PSD3: variants seen among roughly 807,000 people sequenced by gnomAD.
PSD3 encodes the protein PH and SEC7 domain-containing protein 3.
A neutral mutation model predicts 105.5 loss-of-function variants in PSD3; 49 were observed. The observed-to-expected ratio is 0.46, with a 90% CI of 0.37 to 0.59. PSD3 has a LOEUF of 0.59. Ranked by LOEUF, PSD3 falls within the 20% of genes least tolerant of loss-of-function variation. The pLI is 0.00. For synonymous variants in PSD3, 557 were observed against 457.8 expected (o/e 1.22, Z -2.77); for missense variants, 1,561 against 1,263.8 (o/e 1.24, Z -3.57).
At chr8:18,579,511 T>C (rs984004923) in intron 12 of PSD3, among the ~76,000 whole-genome samples, 1 of 152,210 alleles carries the variant, frequency 6.6e-6, no homozygotes, top group African/African-American at 2.4e-5. Flanking sequence ...TCGTTTTATG[T>C]AACAGGATTC....
chr8:18,563,784 G>GA lies in PSD3; in HGVS notation c.2785-7433dup, dbSNP rs537787243. ...AGGCCACATCAAAGAGTTTGAATGT[G>GA]AAAAAATGAATCAGTTAAGGGTAAG... is the stretch of plus-strand genomic sequence containing the variant. On this transcript the variant is annotated intron_variant, in intron 14 of 15. Coordinates refer to ENST00000327040, the MANE Select transcript of PSD3 (RefSeq NM_015310.4). 3.1e-3 allele frequency among the ~76,000 whole-genome samples: 476 copies of GA among 152,230 alleles called. 2 individuals are homozygous for GA. The highest frequency in any genetic ancestry group is 4.7e-3 in the Non-Finnish European group (323 of 68,010).
chr8:18,623,390 CT>C (rs1382076162), intron 11 of PSD3, among the ~76,000 whole-genome samples: 7 of 137,276 alleles, frequency 5.1e-5, no homozygotes, highest in African/African-American at 1.9e-4. Context: ...GGCAGGAGGA[CT>C]GCTTGAGGCC....
At chr8:18,579,510 G>A (rs1175652637) in intron 12 of PSD3, among the ~76,000 whole-genome samples, 4 of 152,124 alleles carry the variant, frequency 2.6e-5, no homozygotes, top group African/African-American at 9.7e-5. Flanking sequence ...ATCGTTTTAT[G>A]TAACAGGATT....
At chr8:18,783,070 T>C (rs1808792712) in intron 8 of PSD3, among the ~76,000 whole-genome samples, 1 of 152,230 alleles carries the variant, frequency 6.6e-6, no homozygotes, top group African/African-American at 2.4e-5. Flanking sequence ...AAAAAACTGA[T>C]GTTAAAACTT....
chr8:18,956,335 C>G (rs538274348), intron 1 of PSD3, among the ~76,000 whole-genome samples: 1 of 152,248 alleles, frequency 6.6e-6, no homozygotes, highest in East Asian at 1.9e-4. Context: ...GGTTCTGATC[C>G]AGCAGGTCTG....
intron 2 of PSD3, among the ~76,000 whole-genome samples, chr8:18,888,063 C>A (rs1818551247): frequency 1.3e-5 from 2 of 152,184 alleles, no homozygotes; most frequent in African/African-American, 2.4e-5. Context: ...AGTCCACCCT[C>A]CCTACCCCTA....
intron 1 of PSD3, among the ~76,000 whole-genome samples, chr8:18,958,074 T>C (rs1823689707): frequency 6.6e-6 from 1 of 152,216 alleles, no homozygotes; most frequent in African/African-American, 2.4e-5. Context: ...TACAATGATG[T>C]TCATTTCAGC....
At chr8:18,615,394 G>A (rs112069328) in intron 11 of PSD3, among the ~76,000 whole-genome samples, 5 of 152,138 alleles carry the variant, frequency 3.3e-5, no homozygotes, top group South Asian at 2.1e-4. Flanking sequence ...CAAGGGCCAC[G>A]GGCATCAGGG....
At chr8:18,903,453 T>C (rs543288656) in intron 2 of PSD3, among the ~76,000 whole-genome samples, 4 of 152,082 alleles carry the variant, frequency 2.6e-5, no homozygotes, top group Admixed American at 1.3e-4. Context: ...GGTCAGGAAA[T>C]AGCACATTGA....
chr8:18,540,322 T>A (rs1484699943), intron 15 of PSD3, among the ~76,000 whole-genome samples: 1 of 152,160 alleles, frequency 6.6e-6, no homozygotes, highest in Non-Finnish European at 1.5e-5. Context: ...AACAAAAAAA[T>A]TTGGGTGACT....
chr8:19,049,038 G>A (rs1391432841), intron 1 of PSD3, among the ~76,000 whole-genome samples: 1 of 152,116 alleles, frequency 6.6e-6, no homozygotes, highest in Non-Finnish European at 1.5e-5. Flanking sequence ...AGTCATGCTG[G>A]ATTAGGGTCC....
chr8:18,654,025 G>T (rs952707970), intron 10 of PSD3, among the ~76,000 whole-genome samples: 9 of 152,060 alleles, frequency 5.9e-5, no homozygotes, highest in African/African-American at 2.2e-4. Flanking sequence ...TAAGCCTAAA[G>T]AAGAATGATC....
At chr8:18,982,325 T>A (rs183223342) in intron 1 of PSD3, among the ~76,000 whole-genome samples, 2 of 152,338 alleles carry the variant, frequency 1.3e-5, no homozygotes, top group Admixed American at 1.3e-4. Flanking sequence ...ACTGCAGTCT[T>A]GAACTCACCC....
chr8:18,749,710 TGAG>T (rs1297066038), intron 9 of PSD3, among the ~76,000 whole-genome samples: 1 of 152,002 alleles, frequency 6.6e-6, no homozygotes, highest in Non-Finnish European at 1.5e-5. Context: ...AAGAAGAGGA[TGAG>T]GAGGTCAGAC....
intron 1 of PSD3, among the ~76,000 whole-genome samples, chr8:19,040,849 C>G (rs1160815243): frequency 6.6e-6 from 1 of 152,138 alleles, no homozygotes; most frequent in African/African-American, 2.4e-5. Flanking sequence ...AGGTCTCTTA[C>G]TCTGAGATTC....
At chr8:18,999,490 C>G (rs2059651) in intron 1 of PSD3, among the ~76,000 whole-genome samples, 125,494 of 151,710 alleles carry the variant, frequency 0.83, 52,540 homozygotes, top group East Asian at 0.95. Context: ...ATGGATTTGT[C>G]CTGGTTGTAC....
chr8:18,755,669 T>C (rs1805976486), intron 9 of PSD3, among the ~76,000 whole-genome samples: 2 of 152,120 alleles, frequency 1.3e-5, no homozygotes, highest in South Asian at 4.1e-4. Flanking sequence ...TTTTTCCTTT[T>C]TTCTTTTTTT....
chr8:19,016,702 A>G (rs932912749), upstream of PSD3, among the ~76,000 whole-genome samples: 5 of 151,976 alleles, frequency 3.3e-5, no homozygotes, highest in Non-Finnish European at 7.3e-5. Flanking sequence ...TAATTAATAA[A>G]GAAAAGAAAT....
chr8:18,607,159 T>A (rs940173103), intron 11 of PSD3, among the ~76,000 whole-genome samples: 1 of 152,118 alleles, frequency 6.6e-6, no homozygotes, highest in African/African-American at 2.4e-5. Context: ...AACCAGGTAC[T>A]TTCTCTAATC....
Sources: allele counts gnomAD v4.1 joint callset (sites outside exome capture counted in the v4.1 genomes callset), GRCh38; gene constraint gnomAD v4.1.1; transcripts MANE v1.5; gene names NCBI Gene and HGNC (gene_info 2026-07-23, HGNC 2026-07-21).